The following TENM3 variants were observed in gnomAD, a reference collection of about 807,000 sequenced individuals.
TENM3 encodes the protein teneurin transmembrane protein 3.
A neutral mutation model predicts 255.1 loss-of-function variants in TENM3; 63 were observed. The ratio of observed to expected loss-of-function variants is 0.25; its 90% confidence interval spans 0.20 to 0.30. The LOEUF is 0.30. Ranked by LOEUF, TENM3 falls within the 10% of genes least tolerant of loss-of-function variation. TENM3 has a pLI of 1.00. For synonymous variants in TENM3, 1,306 were observed against 1,322.3 expected (o/e 0.99, Z 0.27); for missense variants, 2,929 against 3,461.1 (o/e 0.85, Z 3.86).
At chr4:182,098,405 T>A in the TENM3 span, among the ~76,000 whole-genome samples, 1 of 152,216 alleles carries the variant, frequency 6.6e-6, no homozygotes, top group Admixed American at 6.5e-5. Flanking sequence ...GCAGTACTAT[T>A]CACAATAGTC....
At chr4:181,647,846 G>A in the TENM3 span, among the ~76,000 whole-genome samples, 1 of 152,176 alleles carries the variant, frequency 6.6e-6, no homozygotes, top group African/African-American at 2.4e-5. Flanking sequence ...TGAAGAGAGA[G>A]AGGGAAATAG....
At chr4:181,913,194 G>A in the TENM3 span, among the ~76,000 whole-genome samples, 1 of 152,184 alleles carries the variant, frequency 6.6e-6, no homozygotes, top group African/African-American at 2.4e-5. Context: ...TGAGCCATGT[G>A]CACTAACGCA....
Position 182,796,629 on chromosome 4 carries a change from T to A in TENM3, c.7214-8T>A. ...CAACACCTTTCATTCTGAACATTCTTCTCCTAGATGTTAACAGCTGGCTGG... is the reference window on the plus strand; with the variant it reads ...CAACACCTTTCATTCTGAACATTCTACTCCTAGATGTTAACAGCTGGCTGG... On this transcript the variant is annotated splice_region_variant and splice_polypyrimidine_tract_variant and intron_variant, in intron 26 of 27. Coordinates refer to ENST00000511685, the MANE Select transcript of TENM3 (RefSeq NM_001080477.4). 1 of 1,598,114 alleles carries A rather than the reference T, an allele frequency of 6.3e-7. No homozygotes were observed. The highest frequency in any genetic ancestry group is 1.2e-5 in the South Asian group (1 of 86,616).
the TENM3 span, among the ~76,000 whole-genome samples, chr4:181,504,942 T>A: frequency 6.6e-6 from 1 of 152,226 alleles, no homozygotes; most frequent in African/African-American, 2.4e-5. Context: ...ATGCAATTGA[T>A]CTTTGCCTGA....
intron 1 of TENM3, among the ~76,000 whole-genome samples, chr4:182,262,906 G>T (rs1396863737): frequency 1.3e-5 from 2 of 151,718 alleles, no homozygotes; most frequent in African/African-American, 4.8e-5. Context: ...GTAGAGACGG[G>T]GTTTCACCGT....
At chr4:182,496,280 T>G (rs1425415204) in intron 3 of TENM3, among the ~76,000 whole-genome samples, 1 of 152,152 alleles carries the variant, frequency 6.6e-6, no homozygotes, top group Non-Finnish European at 1.5e-5. Flanking sequence ...CAGAGCTAAT[T>G]TATTTAGGGA....
chr4:182,795,516 G>T (rs1451377571), intron 26 of TENM3, among the ~76,000 whole-genome samples: 1 of 152,122 alleles, frequency 6.6e-6, no homozygotes, highest in East Asian at 1.9e-4. Context: ...CAAATAAAAA[G>T]AATACCACTG....
chr4:181,551,597 C>T, the TENM3 span, among the ~76,000 whole-genome samples: 1 of 151,950 alleles, frequency 6.6e-6, no homozygotes, highest in Non-Finnish European at 1.5e-5. Context: ...CTCCAGAAAA[C>T]TTCATGGAGA....
intron 3 of TENM3, among the ~76,000 whole-genome samples, chr4:182,460,472 G>A (rs901330405): frequency 1.3e-5 from 2 of 152,124 alleles, no homozygotes; most frequent in African/African-American, 4.8e-5. Flanking sequence ...CACAGTAAAT[G>A]TACTAGAGTT....
chr4:182,167,716 C>CA (rs201571113), intron 1 of TENM3, among the ~76,000 whole-genome samples: 1,834 of 151,528 alleles, frequency 0.012, 32 homozygotes, highest in African/African-American at 0.043. Flanking sequence ...CTACAAAATA[C>CA]AAAAAAAACA....
At chr4:182,526,459 C>T (rs557314565) in intron 3 of TENM3, among the ~76,000 whole-genome samples, 1 of 152,224 alleles carries the variant, frequency 6.6e-6, no homozygotes, top group African/African-American at 2.4e-5. Flanking sequence ...AAACACACGA[C>T]TCTCTCTTCT....
At chr4:182,190,169 T>G (rs768824671) in intron 1 of TENM3, 29 of 152,188 alleles carry the variant, frequency 1.9e-4, no homozygotes, top group Admixed American at 2.6e-4. Flanking sequence ...AAAGAAACAT[T>G]TCCTCATTTT....
chr4:181,572,921 C>A, the TENM3 span, among the ~76,000 whole-genome samples: 1 of 152,152 alleles, frequency 6.6e-6, no homozygotes, highest in African/African-American at 2.4e-5. Context: ...GGTAACCATC[C>A]TTCTACTCTC....
the TENM3 span, among the ~76,000 whole-genome samples, chr4:181,624,165 C>T: frequency 1.3e-5 from 2 of 152,198 alleles, no homozygotes; most frequent in African/African-American, 4.8e-5. Context: ...CAGCAAGAGA[C>T]ACCCCAAACC....
chr4:182,162,333 G>T, intron 1 of TENM3, among the ~76,000 whole-genome samples: 1 of 152,090 alleles, frequency 6.6e-6, no homozygotes, highest in Middle Eastern at 3.2e-3. Context: ...CATTGGCTTA[G>T]GCTCTGTGAA....
the TENM3 span, among the ~76,000 whole-genome samples, chr4:181,785,841 C>A: frequency 9.4e-3 from 1,323 of 141,250 alleles, 18 homozygotes; most frequent in African/African-American, 0.032. Context: ...CACACACAAA[C>A]ACACACACTT....
chr4:182,146,256 C>A (rs1378591145), intron 1 of TENM3, among the ~76,000 whole-genome samples: 4 of 152,126 alleles, frequency 2.6e-5, no homozygotes, highest in Non-Finnish European at 4.4e-5. Context: ...TCTAAAACTT[C>A]GAGCATGTAT....
intron 24 of TENM3, 21 bp downstream of exon 24, chr4:182,775,174 A>C: frequency 6.2e-7 from 1 of 1,607,316 alleles, no homozygotes; most frequent in Non-Finnish European, 8.5e-7. Context: ...GTTGTGGAGC[A>C]GGAGATAGCT....
the TENM3 span, among the ~76,000 whole-genome samples, chr4:181,788,523 A>C: frequency 6.6e-6 from 1 of 152,166 alleles, no homozygotes; most frequent in African/African-American, 2.4e-5. Context: ...AGGAGCCAGG[A>C]TGGAAACCCA....
Sources: allele counts gnomAD v4.1 joint callset (sites outside exome capture counted in the v4.1 genomes callset), GRCh38; gene constraint gnomAD v4.1.1; transcripts MANE v1.5; gene names NCBI Gene and HGNC (gene_info 2026-07-23, HGNC 2026-07-21).